TNRC18: variants seen among roughly 807,000 people sequenced by gnomAD.
TNRC18 encodes the protein trinucleotide repeat-containing gene 18 protein.
A neutral mutation model predicts 226.7 loss-of-function variants in TNRC18; 69 were observed. The ratio of observed to expected loss-of-function variants is 0.30; its 90% CI spans 0.25 to 0.37. The LOEUF (loss-of-function observed/expected upper bound fraction) is 0.37, where lower values mean the gene tolerates loss of function less well. Ranked by LOEUF, TNRC18 falls within the 10% of genes least tolerant of loss-of-function variation. The pLI is 1.00. For synonymous variants in TNRC18, 2,449 were observed against 1,927.6 expected, an observed-to-expected ratio of 1.27 and a Z score of -7.09; for missense variants, 4,754 against 4,256.6, an observed-to-expected ratio of 1.12 and a Z score of -3.25.
chr7:5,413,217 G>A (rs963189587), intron 2 of TNRC18, among the ~76,000 whole-genome samples: 32 of 152,122 alleles, frequency 2.1e-4, no homozygotes, highest in African/African-American at 7.7e-4. Context: ...GAGGAGCTGG[G>A]CCAGACCACA....
intron 5 of TNRC18, among the ~76,000 whole-genome samples, chr7:5,382,879 G>A (rs1056631484): frequency 6.6e-6 from 1 of 152,082 alleles, no homozygotes; most frequent in African/African-American, 2.4e-5. Context: ...ACGGGCTGCT[G>A]GCTCAACGGC....
intron 2 of TNRC18, among the ~76,000 whole-genome samples, chr7:5,399,774 T>C (rs1414834871): frequency 6.6e-6 from 1 of 152,070 alleles, no homozygotes; most frequent in Non-Finnish European, 1.5e-5. Context: ...TACCAGCACT[T>C]TGGGAGGCCT....
In TNRC18 at chr7:5,412,702, C is replaced by G. The variant is rs149275045; in HGVS notation, c.187+8358G>C. Among the ~76,000 whole-genome samples, 68 of 152,352 alleles carry G rather than the reference C, an allele frequency of 4.5e-4. No individual in the cohort carries two copies. In the Middle Eastern group the frequency reaches 0.01, roughly 23 times the overall value. ...AAAATTGAGGTTTAGAAAGTCATCACATGCCCTTTAACTGGAGAAACAACA... is the reference window on the plus strand; with the variant it reads ...AAAATTGAGGTTTAGAAAGTCATCAGATGCCCTTTAACTGGAGAAACAACA... On this transcript the variant is annotated intron_variant, in intron 2 of 29. Transcript: ENST00000430969.
intron 2 of TNRC18, among the ~76,000 whole-genome samples, chr7:5,414,739 A>G (rs1425050975): frequency 6.6e-6 from 1 of 152,198 alleles, no homozygotes; most frequent in Non-Finnish European, 1.5e-5. Context: ...ATTTCCTAAG[A>G]ACAAGGACAT....
chr7:5,415,273 T>C (rs1782106145), intron 2 of TNRC18, among the ~76,000 whole-genome samples: 1 of 151,742 alleles, frequency 6.6e-6, no homozygotes, highest in Non-Finnish European at 1.5e-5. Flanking sequence ...CCCCTCCAGA[T>C]CAGTCGGGTG....
intron 18 of TNRC18, among the ~76,000 whole-genome samples, chr7:5,344,349 C>T (rs1790958040): frequency 2.0e-5 from 3 of 152,142 alleles, no homozygotes; most frequent in Admixed American, 6.5e-5. Context: ...TCTGAAGACA[C>T]CCTCCAGCTG....
Position 5,312,950 on chromosome 7 carries a change from G to C in TNRC18, c.7941C>G (p.Ser2647=). 7.4e-7 allele frequency: 1 copy of C among 1,354,764 alleles called. No homozygotes were observed. Among genetic ancestry groups the C allele is most frequent in the Non-Finnish European group, 1.0e-6 (1 of 986,866 alleles). The allele number at this position is 1,354,764 out of a possible 1,614,324, so 83.9% of individuals were successfully genotyped here. ...AGGAAGAGGAGGAGGAGGAAGAGGA[G>C]GAAGACGAAGAGGAAGAGGAGGAGG... ...SSSSSSSSSS[S]SSSSSSSSSS... The change falls in exon 27 of 30, where the codon TCC becomes TCG. Residue 2647 remains serine (S), a synonymous_variant. Coordinates refer to ENST00000430969, the MANE Select transcript of TNRC18 (RefSeq NM_001080495.3). The surrounding 1 kb of genome is among the most constrained non-coding windows in gnomAD (Gnocchi z 6.3).
At chr7:5,330,974 T>A (rs1009750422) in intron 19 of TNRC18, among the ~76,000 whole-genome samples, 1 of 152,144 alleles carries the variant, frequency 6.6e-6, no homozygotes, top group African/African-American at 2.4e-5. Context: ...CGTGCCCGGC[T>A]GAATCATTAT....
chr7:5,377,944 G>A lies in TNRC18; in HGVS notation c.2233C>T (p.Arg745Trp), dbSNP rs375341970. 58 of 1,613,190 alleles carry A rather than the reference G, an allele frequency of 3.6e-5. No homozygotes were observed. Among genetic ancestry groups the A allele is most frequent in the Middle Eastern group, 1.6e-4 (1 of 6,082 alleles). Residue 745 changes from arginine to tryptophan, a missense_variant, in exon 6 of 30, where the codon CGG becomes TGG. Coordinates refer to ENST00000430969, the MANE Select transcript of TNRC18 (RefSeq NM_001080495.3). This position sits in a 1 kb window ranked among gnomAD's most constrained non-coding sequence, Gnocchi z 5.8. ...CACCTGAGCAGCTTCTCCTGATCCCGGTCCAGCCGTGCCCCGAGCAGCCGT... is the reference window on the plus strand; with the variant it reads ...CACCTGAGCAGCTTCTCCTGATCCCAGTCCAGCCGTGCCCCGAGCAGCCGT... ...EERLLGARLDRDQEKLLRESK... is the reference protein window; with the variant it reads ...EERLLGARLDWDQEKLLRESK...
At chr7:5,327,206 G>C (rs1385531688) in intron 19 of TNRC18, among the ~76,000 whole-genome samples, 5 of 152,134 alleles carry the variant, frequency 3.3e-5, no homozygotes, top group Admixed American at 3.3e-4. Flanking sequence ...AGATAACAAT[G>C]GTCAAATGCT....
intron 2 of TNRC18, chr7:5,420,096 C>T (rs1274678088): frequency 1.7e-5 from 5 of 289,516 alleles, no homozygotes; most frequent in South Asian, 2.6e-5. Flanking sequence ...TGGAGGTCCC[C>T]GAGTCTCCTT....
intron 2 of TNRC18, among the ~76,000 whole-genome samples, chr7:5,406,763 G>A (rs559597320): frequency 4.3e-4 from 64 of 149,312 alleles, no homozygotes; most frequent in Non-Finnish European, 8.3e-4. Context: ...AGGCAGGAGA[G>A]TCACTTGAAC....
At chr7:5,418,619 G>T (rs1782339121) in intron 2 of TNRC18, among the ~76,000 whole-genome samples, 1 of 152,174 alleles carries the variant, frequency 6.6e-6, no homozygotes, top group Admixed American at 6.5e-5. Flanking sequence ...CCAAGCAAGT[G>T]GCTCAACCGC....
At chr7:5,329,547 G>A (rs766009250) in intron 19 of TNRC18, among the ~76,000 whole-genome samples, 5 of 151,854 alleles carry the variant, frequency 3.3e-5, no homozygotes, top group Admixed American at 6.6e-5. Flanking sequence ...GCTGGGCATG[G>A]TGGTGGGCAC....
chr7:5,390,411 T>A, intron 4 of TNRC18, 74 bp downstream of exon 4: 1 of 1,460,968 alleles, frequency 6.8e-7, no homozygotes, highest in Non-Finnish European at 9.6e-7. Flanking sequence ...GGGGGCTACC[T>A]GGATGCTGCC....
Position 5,324,555 on chromosome 7 carries a change from A to C in TNRC18, c.6301-200T>G, listed in dbSNP as rs1227815164. Among the ~76,000 whole-genome samples, 1 of 152,204 alleles carries C rather than the reference A, an allele frequency of 6.6e-6. No individual in the cohort carries two copies. Among genetic ancestry groups the C allele is most frequent in the Non-Finnish European group, 1.5e-5 (1 of 68,028 alleles). On this transcript the variant is annotated intron_variant, in intron 20 of 29. Coordinates refer to ENST00000430969, the MANE Select transcript of TNRC18 (RefSeq NM_001080495.3). The surrounding 1 kb of genome is among the most constrained non-coding windows in gnomAD (Gnocchi z 4.8). The stretch of plus-strand genomic sequence containing the variant: ...CCCAAAACCCAGCTGGCCCATGCTC[A>C]GTACTCGGTGCTCAATACTCAGTAC...
chr7:5,364,787 G>A lies in TNRC18; in HGVS notation c.4220-1962C>T, dbSNP rs1434801791. ...CCACTGTACCCCAGCCTGGGCAACA[G>A]AGGGAGGCTGTCTCAGGAAAAAAAA... is the stretch of plus-strand genomic sequence containing the variant. On this transcript the variant is annotated intron_variant, in intron 11 of 29. Transcript: ENST00000430969. Among the ~76,000 whole-genome samples, 4 of 141,736 alleles carry A rather than the reference G, an allele frequency of 2.8e-5. No individual in the cohort carries two copies. In the East Asian group the frequency reaches 8.3e-4, roughly 30 times the overall value. 93.0% of individuals were successfully genotyped at this position (141,736 alleles called of 152,430 possible). A position where few individuals can be genotyped will look rare whatever the true frequency, so the allele number is the denominator to read the frequency against.
chr7:5,403,442 G>A (rs1781249329), intron 2 of TNRC18, among the ~76,000 whole-genome samples: 1 of 152,242 alleles, frequency 6.6e-6, no homozygotes. Context: ...TTACAGGCGT[G>A]AGCCACCATG....
intron 3 of TNRC18, among the ~76,000 whole-genome samples, chr7:5,393,444 T>A (rs1376124794): frequency 6.6e-6 from 1 of 152,342 alleles, no homozygotes; most frequent in African/African-American, 2.4e-5. Flanking sequence ...TGTCTCCTCC[T>A]GGGCTGAACA....
Sources: gnomAD v4.1 joint callset for allele counts (sites outside exome capture counted in the v4.1 genomes callset) on GRCh38, gnomAD v4.1.1 for gene constraint, Gnocchi (gnomAD v3.1) non-coding constraint, MANE v1.5 for transcripts, NCBI Gene and HGNC (gene_info 2026-07-23, HGNC 2026-07-21) for gene names.